SPINK5: variants seen among roughly 807,000 people sequenced by gnomAD.
SPINK5 encodes serine peptidase inhibitor Kazal type 5.
SPINK5 carries 125 observed loss-of-function variants against 151.8 expected under a neutral mutation model. The ratio of observed to expected loss-of-function variants is 0.82; its 90% CI spans 0.71 to 0.96. The LOEUF is 0.96. SPINK5 is among the 40% of genes least tolerant of loss of function. The pLI is 0.00. For synonymous variants in SPINK5, 374 were observed against 395.3 expected (o/e 0.95, Z 0.64); for missense variants, 1,194 against 1,291.9 (o/e 0.92, Z 1.16).
At chr5:148,104,153 G>A (rs1400956678) in intron 15 of SPINK5, among the ~76,000 whole-genome samples, 1 of 152,182 alleles carries the variant, frequency 6.6e-6, no homozygotes, top group Non-Finnish European at 1.5e-5. Context: ...CTCATTTAAT[G>A]CTCTTAACAT....
chr5:148,064,185 A>C (rs1407641810), intron 1 of SPINK5, 86 bp downstream of exon 1: 1 of 1,472,386 alleles, frequency 6.8e-7, no homozygotes, highest in Non-Finnish European at 9.5e-7. Context: ...CTCCTGCCAA[A>C]AAATGTTTAC....
At chr5:148,114,236 G>T (rs1338178455) in intron 20 of SPINK5, 126 bp from the exon 21 acceptor site, 15 of 1,094,148 alleles carry the variant, frequency 1.4e-5, no homozygotes, top group Non-Finnish European at 1.5e-5. Flanking sequence ...CACTATAACT[G>T]CCAGAAAAAA....
intron 8 of SPINK5, among the ~76,000 whole-genome samples, chr5:148,093,808 G>A (rs535278284): frequency 2.6e-5 from 4 of 151,778 alleles, no homozygotes; most frequent in African/African-American, 7.2e-5. Context: ...TATTTTTTCC[G>A]AGGCTGTTTT....
rs1754445453 is a variant in SPINK5 at position 148,126,899 on chromosome 5, C to T, written c.2868-84C>T. The T allele has an allele frequency of 5.7e-6, 7 of 1,227,914 alleles. No individual in the cohort carries two copies. The Admixed American group carries it at 1.3e-4, about 22-fold the overall frequency. The allele number at this position is 1,227,914 out of a possible 1,614,324, so 76.1% of individuals were successfully genotyped here. A position where few individuals can be genotyped will look rare whatever the true frequency, so the allele number is the denominator to read the frequency against. ...GAACTACCATGCCTGGCCTCTGTCA[C>T]ATTTTATGAGGATTGCTTAACTTCT... On this transcript the variant is annotated intron_variant, in intron 29 of 32. Transcript: ENST00000256084.
intron 5 of SPINK5, among the ~76,000 whole-genome samples, chr5:148,086,951 AAC>A (rs1334148913): frequency 1.4e-5 from 1 of 73,330 alleles, no homozygotes; most frequent in East Asian, 7.8e-4. Flanking sequence ...TATCATATAT[AAC>A]AGATTATATA....
At position 148,100,514 on chromosome 5, in the gene SPINK5, A is replaced by C; in HGVS notation, c.1153A>C (p.Asn385His). ...RNGKLACTRENDPIQGPDGKV... is the reference protein window; with the variant it reads ...RNGKLACTREHDPIQGPDGKV... ...CGGAAAACTTGCTTGCACCAGAGAG[A>C]ACGATCCTATCCAGGGCCCAGATGG... The change falls in exon 13 of 33, where the codon AAC becomes CAC. Residue 385 changes from asparagine (N) to histidine (H), a missense_variant. By Grantham distance (68) the Asn-to-His change is moderately conservative. Coordinates refer to ENST00000256084, the MANE Select transcript of SPINK5 (RefSeq NM_006846.4). 6.2e-7 allele frequency: 1 copy of C among 1,613,350 alleles called. No homozygotes were observed. Among genetic ancestry groups the C allele is most frequent in the Non-Finnish European group, 8.5e-7 (1 of 1,179,474 alleles).
intron 4 of SPINK5, among the ~76,000 whole-genome samples, chr5:148,080,337 T>C (rs1310319096): frequency 6.6e-6 from 1 of 151,366 alleles, no homozygotes; most frequent in Non-Finnish European, 1.5e-5. Flanking sequence ...AAATTAAACA[T>C]ATTCCCAATC....
intron 18 of SPINK5, among the ~76,000 whole-genome samples, chr5:148,110,829 C>T (rs1401269904): frequency 6.6e-6 from 1 of 151,254 alleles, no homozygotes; most frequent in Non-Finnish European, 1.5e-5. Context: ...TATTATTAGC[C>T]CCCTCATGCA....
At chr5:148,096,731 TTTTTCTTTTTC>T (rs1753473740) in intron 10 of SPINK5, among the ~76,000 whole-genome samples, 1 of 145,634 alleles carries the variant, frequency 6.9e-6, no homozygotes, top group African/African-American at 2.7e-5. Flanking sequence ...TCTTTTTTTC[TTTTTCTTTTTC>T]TTTTCTTTTC....
intron 21 of SPINK5, 90 bp downstream of exon 21, chr5:148,114,579 C>T: frequency 6.4e-7 from 1 of 1,570,764 alleles, no homozygotes; most frequent in Non-Finnish European, 8.7e-7. Flanking sequence ...TTTGTCCTTT[C>T]CTTACATGTA....
At chr5:148,099,687 A>G (rs1180356232) in intron 12 of SPINK5, among the ~76,000 whole-genome samples, 4 of 151,898 alleles carry the variant, frequency 2.6e-5, no homozygotes, top group East Asian at 1.9e-4. Flanking sequence ...TCCCCCACCA[A>G]CGCATGATTT....
At chr5:148,135,684 C>T (rs1031145307) in intron 32 of SPINK5, among the ~76,000 whole-genome samples, 5 of 151,958 alleles carry the variant, frequency 3.3e-5, no homozygotes, top group African/African-American at 1.2e-4. Context: ...TGGTCATGGC[C>T]TAGCATTGTT....
chr5:148,118,897 C>T, intron 23 of SPINK5, 89 bp from the exon 24 acceptor site: 1 of 1,356,736 alleles, frequency 7.4e-7, no homozygotes, highest in Non-Finnish European at 1.0e-6. Context: ...AGAAAGCTGA[C>T]TTCTTGTCAT....
In SPINK5 at chr5:148,099,255, G is replaced by C. The variant is rs771934297; in HGVS notation, c.1032G>C (p.Lys344Asn). The C allele has an allele frequency of 6.2e-7, 1 of 1,611,232 alleles. No homozygotes were observed. Among genetic ancestry groups the C allele is most frequent in the South Asian group, 1.1e-5 (1 of 90,666 alleles). Residue 344 changes from lysine to asparagine, a missense_variant, in exon 12 of 33, where the codon AAG becomes AAC. Coordinates refer to ENST00000256084, the MANE Select transcript of SPINK5 (RefSeq NM_006846.4). ...QAYFQAENEE[K>N]KKAEARARNK... ...TCAGCCAAGCAGAAAATGAAGAAAA[G>C]AAAAAGGCTGAAGCACGAGCTAGAA...
chr5:148,085,389 T>G (rs144610472), intron 4 of SPINK5, among the ~76,000 whole-genome samples: 157 of 152,076 alleles, frequency 1.0e-3, no homozygotes, highest in Non-Finnish European at 1.7e-3. Context: ...TAAAGAAAAA[T>G]TATCCAGTTT....
chr5:148,070,509 T>G, intron 3 of SPINK5, 59 bp downstream of exon 3: 1 of 1,600,514 alleles, frequency 6.2e-7, no homozygotes. Context: ...GTCTCTGAAC[T>G]GGTAAATGTA....
At chr5:148,081,214 T>A (rs1047714656) in intron 4 of SPINK5, among the ~76,000 whole-genome samples, 1 of 151,604 alleles carries the variant, frequency 6.6e-6, no homozygotes, top group Non-Finnish European at 1.5e-5. Context: ...GTTTGAGAAC[T>A]TCTTAAAATT....
chr5:148,133,759 A>C lies in SPINK5; in HGVS notation c.3096-38A>C. 1.9e-6 allele frequency: 3 copies of C among 1,601,770 alleles called. No individual in the cohort carries two copies. The South Asian group carries it at 3.3e-5, about 18-fold the overall frequency. On this transcript the variant is annotated intron_variant, in intron 31 of 32. Coordinates refer to ENST00000256084, the MANE Select transcript of SPINK5 (RefSeq NM_006846.4). ...ATTTATTTTCTTATTATAACTGAGA[A>C]CTTCCTCGTTGTTGAAGCATCCTCT...
At position 148,137,353 on chromosome 5, in the gene SPINK5, T is replaced by TC; in HGVS notation, c.*363dup. The TC allele has an allele frequency of 3.1e-6, 1 of 320,368 alleles. No homozygotes were observed. The highest frequency in any genetic ancestry group is 6.3e-5 in the East Asian group (1 of 15,980). The allele number at this position is 320,368 out of a possible 1,614,324, so 19.8% of individuals were successfully genotyped here. A position where few individuals can be genotyped will look rare whatever the true frequency, so the allele number is the denominator to read the frequency against. The stretch of plus-strand genomic sequence containing the variant: ...TTGCTTTTAAAGAAACTGAATAAAC[T>TC]CTACCCTTTTGTCTTTTTGTGTTGC... On this transcript the variant is annotated 3_prime_UTR_variant, in exon 33 of 33. Coordinates refer to ENST00000256084, the MANE Select transcript of SPINK5 (RefSeq NM_006846.4).
Sources: gnomAD v4.1 joint callset for allele counts (sites outside exome capture counted in the v4.1 genomes callset) on GRCh38, gnomAD v4.1.1 for gene constraint, MANE v1.5 for transcripts, NCBI Gene and HGNC (gene_info 2026-07-23, HGNC 2026-07-21) for gene names.